The following CSMD1 variants were observed in gnomAD, a reference collection of about 807,000 sequenced individuals.
CSMD1 encodes the protein CUB and sushi domain-containing protein 1.
In CSMD1, 213 loss-of-function variants were observed where a neutral mutation model predicts 417.5. The observed-to-expected ratio is 0.51, with a 90% CI of 0.46 to 0.57. The LOEUF (loss-of-function observed/expected upper bound fraction) is 0.57. Ranked by LOEUF, CSMD1 falls within the 20% of genes least tolerant of loss-of-function variation. The pLI is 0.00. For missense variants in CSMD1, 6,923 were observed against 4,529.7 expected, an observed-to-expected ratio of 1.53 and a Z score of -15.17; for synonymous variants, 2,862 against 1,736.8, an observed-to-expected ratio of 1.65 and a Z score of -16.11.
At chr8:4,898,310 G>C (rs914309995) in intron 1 of CSMD1, among the ~76,000 whole-genome samples, 16 of 152,072 alleles carry the variant, frequency 1.1e-4, no homozygotes, top group South Asian at 2.1e-4. Context: ...CAAGACACCT[G>C]TCATCTTTGA....
chr8:4,928,587 G>T (rs981575247), intron 1 of CSMD1, among the ~76,000 whole-genome samples: 1 of 152,088 alleles, frequency 6.6e-6, no homozygotes, highest in Non-Finnish European at 1.5e-5. Context: ...GATCATTTAC[G>T]AAAGAGGCTA....
At chr8:2,972,998 G>T (rs1464900138) in intron 57 of CSMD1, 119 bp downstream of exon 57, 8 of 967,962 alleles carry the variant, frequency 8.3e-6, no homozygotes, top group East Asian at 2.7e-5. Flanking sequence ...GCGGGGAAAA[G>T]ATTTAATTGT....
At chr8:4,200,637 C>G (rs1009847238) in intron 3 of CSMD1, among the ~76,000 whole-genome samples, 1 of 152,090 alleles carries the variant, frequency 6.6e-6, no homozygotes, top group Admixed American at 6.5e-5. Flanking sequence ...GGGAGGATTT[C>G]TTGAGACTAA....
chr8:3,978,947 G>A (rs1211643906), intron 5 of CSMD1, among the ~76,000 whole-genome samples: 1 of 152,188 alleles, frequency 6.6e-6, no homozygotes, highest in Non-Finnish European at 1.5e-5. Flanking sequence ...CCAGCCACAG[G>A]TTCCACTGTT....
At chr8:4,399,395 G>A (rs1009444572) in intron 3 of CSMD1, among the ~76,000 whole-genome samples, 1 of 152,126 alleles carries the variant, frequency 6.6e-6, no homozygotes, top group Non-Finnish European at 1.5e-5. Flanking sequence ...TCAAACATAG[G>A]CAAGGGCTAA....
At chr8:3,089,107 G>C (rs116319140) in intron 48 of CSMD1, among the ~76,000 whole-genome samples, 1,573 of 152,286 alleles carry the variant, frequency 0.01, 28 homozygotes, top group African/African-American at 0.036. Context: ...AATACAAAGA[G>C]AGACTGGAGC....
At chr8:3,867,615 A>C (rs1406038463) in intron 5 of CSMD1, among the ~76,000 whole-genome samples, 1 of 152,114 alleles carries the variant, frequency 6.6e-6, no homozygotes, top group African/African-American at 2.4e-5. Context: ...TAATCTATAC[A>C]TATATCTATA....
chr8:3,988,917 G>A (rs1047908609), intron 5 of CSMD1, among the ~76,000 whole-genome samples: 2 of 152,292 alleles, frequency 1.3e-5, no homozygotes, highest in South Asian at 2.1e-4. Flanking sequence ...TTTAAAAGTT[G>A]AGTGGAGAAG....
chr8:4,026,488 A>G (rs950435838), intron 4 of CSMD1, among the ~76,000 whole-genome samples: 12 of 152,314 alleles, frequency 7.9e-5, no homozygotes, highest in Admixed American at 5.9e-4. Context: ...AGATCCTCCA[A>G]TTAAGAAGAA....
chr8:3,284,616 A>G lies in CSMD1; in HGVS notation c.3951-270T>C, dbSNP rs529132287. On this transcript the variant is annotated intron_variant, in intron 25 of 69. Coordinates refer to ENST00000635120, the MANE Select transcript of CSMD1 (RefSeq NM_033225.6). ...TGCTGAGCTATCCATTTTAGGATAA[A>G]AGGATTGCTTTTGAGACTTCCAGAT... is the stretch of plus-strand genomic sequence containing the variant. 2.5e-4 allele frequency: 104 copies of G among 419,814 alleles called. 2 individuals carry two copies. In the South Asian group the frequency reaches 2.5e-3, roughly 10 times the overall value. The allele number at this position is 419,814 out of a possible 1,614,324, so 26.0% of individuals were successfully genotyped here. A position where few individuals can be genotyped will look rare whatever the true frequency, so the allele number is the denominator to read the frequency against.
chr8:4,709,397 G>A (rs1190427916), intron 1 of CSMD1, among the ~76,000 whole-genome samples: 6 of 152,140 alleles, frequency 3.9e-5, no homozygotes, highest in Non-Finnish European at 5.9e-5. Flanking sequence ...GCCAAGGGAC[G>A]AACATAAAGA....
At chr8:4,462,589 C>G (rs1473137169) in intron 2 of CSMD1, among the ~76,000 whole-genome samples, 2 of 152,168 alleles carry the variant, frequency 1.3e-5, no homozygotes, top group African/African-American at 4.8e-5. Context: ...TGATTCAGCA[C>G]TTTCTAGGAA....
At chr8:3,538,108 G>A (rs371500528) in intron 10 of CSMD1, among the ~76,000 whole-genome samples, 1 of 152,202 alleles carries the variant, frequency 6.6e-6, no homozygotes, top group African/African-American at 2.4e-5. Flanking sequence ...AGTGTTTCAA[G>A]TTTATAAACC....
intron 25 of CSMD1, among the ~76,000 whole-genome samples, chr8:3,304,046 G>C (rs79194102): frequency 0.015 from 2,293 of 152,134 alleles, 54 homozygotes; most frequent in African/African-American, 0.052. Context: ...AATCAATGTA[G>C]CTCTGCAATA....
intron 11 of CSMD1, among the ~76,000 whole-genome samples, chr8:3,488,188 G>C (rs772383191): frequency 3.9e-5 from 6 of 151,936 alleles, no homozygotes; most frequent in Non-Finnish European, 5.9e-5. Flanking sequence ...CTGCAGCCTT[G>C]ATCTCCTGGG....
intron 41 of CSMD1, among the ~76,000 whole-genome samples, chr8:3,126,435 G>A (rs1469652944): frequency 2.0e-5 from 3 of 152,166 alleles, no homozygotes; most frequent in African/African-American, 7.2e-5. Flanking sequence ...CATTGCTACA[G>A]AGAATAGGGC....
At chr8:3,888,744 A>G (rs920361909) in intron 5 of CSMD1, among the ~76,000 whole-genome samples, 1 of 152,124 alleles carries the variant, frequency 6.6e-6, no homozygotes, top group Non-Finnish European at 1.5e-5. Flanking sequence ...AGTCTCTGGG[A>G]CAACAAACCG....
chr8:4,835,933 G>A lies in CSMD1; in HGVS notation c.85+158399C>T, dbSNP rs1372316389. ...GTAAGTACAGATTATAAGTACAAAG[G>A]AGGGAAATTTAATTTATATTTTGAG... On this transcript the variant is annotated intron_variant, in intron 1 of 69. Transcript: ENST00000635120. Among the ~76,000 whole-genome samples, 3 of 152,164 alleles carry A rather than the reference G, an allele frequency of 2.0e-5. No individual in the cohort carries two copies. The East Asian group carries it at 5.8e-4, about 29-fold the overall frequency.
chr8:3,288,799 A>T (rs1803339378), intron 25 of CSMD1, among the ~76,000 whole-genome samples: 1 of 146,624 alleles, frequency 6.8e-6, no homozygotes, highest in Admixed American at 6.7e-5. Flanking sequence ...TTTTATATAG[A>T]CTAATTCCTA....
Sources: gnomAD v4.1 joint callset for allele counts (sites outside exome capture counted in the v4.1 genomes callset) on GRCh38, gnomAD v4.1.1 for gene constraint, MANE v1.5 for transcripts, NCBI Gene and HGNC (gene_info 2026-07-23, HGNC 2026-07-21) for gene names.